Variants in SGCD observed in about 807,000 individuals in gnomAD.
SGCD encodes sarcoglycan delta.
Under a neutral mutation model 36.6 loss-of-function variants are expected in SGCD, and 18 were observed. The ratio of observed to expected loss-of-function variants is 0.49; its 90% CI spans 0.34 to 0.73. The LOEUF is 0.73. Ranked by LOEUF, SGCD falls within the 30% of genes least tolerant of loss-of-function variation. The pLI is 0.01. For synonymous variants in SGCD, 133 were observed against 130.6 expected (o/e 1.02, Z -0.12); for missense variants, 387 against 346.7 (o/e 1.12, Z -0.92).
the SGCD span, among the ~76,000 whole-genome samples, chr5:155,806,759 A>C: frequency 6.6e-6 from 1 of 152,204 alleles, no homozygotes; most frequent in Non-Finnish European, 1.5e-5. Flanking sequence ...AAAGACAGCA[A>C]TGAAATAATA....
Position 156,487,813 on chromosome 5 carries a change from A to AAAAAAAAAAAAAGAAAAAG in SGCD, c.193-20785_193-20784insAAAAAAAAAGAAAAAGAAA, listed in dbSNP as rs1554107842. Reference sequence around the variant, plus strand: ...CAAAAAAAAAAAAAAAAAAAAAAAAAAAAGAAAGAAAGAAAAAGCTTAACA... The same window carrying AAAAAAAAAAAAAGAAAAAG: ...CAAAAAAAAAAAAAAAAAAAAAAAAAAAAAAAAAAAAAGAAAAAGAAAGAAAGAAAGAAAAAGCTTAACA... On this transcript the variant is annotated intron_variant, in intron 3 of 8. Coordinates refer to ENST00000337851, the MANE Select transcript of SGCD (RefSeq NM_000337.6). Among the ~76,000 whole-genome samples, 22 of 77,816 alleles carry AAAAAAAAAAAAAGAAAAAG rather than the reference A, an allele frequency of 2.8e-4. 2 individuals carry two copies. The highest frequency in any genetic ancestry group is 3.0e-4 in the African/African-American group (7 of 22,984). 51.1% of individuals were successfully genotyped at this position (77,816 alleles called of 152,430 possible). A position where few individuals can be genotyped will look rare whatever the true frequency, so the allele number is the denominator to read the frequency against.
chr5:156,174,966 TA>T (rs1165609492), intron 3 of SGCD, among the ~76,000 whole-genome samples: 6 of 151,856 alleles, frequency 4.0e-5, no homozygotes, highest in African/African-American at 1.5e-4. Context: ...AATAGGATTT[TA>T]AAAAAAAGAT....
intron 1 of SGCD, among the ~76,000 whole-genome samples, chr5:155,883,305 A>G (rs1457305736): frequency 2.0e-5 from 3 of 152,126 alleles, no homozygotes; most frequent in African/African-American, 7.2e-5. Flanking sequence ...TTTCTTTTGC[A>G]TTTACAACTT....
intron 6 of SGCD, among the ~76,000 whole-genome samples, chr5:156,644,050 A>G (rs548827378): frequency 2.0e-5 from 3 of 152,172 alleles, no homozygotes; most frequent in African/African-American, 7.2e-5. Flanking sequence ...ACCAAAGCAA[A>G]CTCTGTTAAG....
At chr5:156,557,132 G>A (rs1181696121) in intron 4 of SGCD, among the ~76,000 whole-genome samples, 1 of 152,086 alleles carries the variant, frequency 6.6e-6, no homozygotes, top group Non-Finnish European at 1.5e-5. Context: ...TTTTCCATCT[G>A]CAGAATATTT....
At chr5:155,790,954 A>G in the SGCD span, among the ~76,000 whole-genome samples, 3 of 152,146 alleles carry the variant, frequency 2.0e-5, no homozygotes, top group African/African-American at 4.8e-5. Flanking sequence ...ACATGCTACA[A>G]TAAACAAAAA....
intron 3 of SGCD, among the ~76,000 whole-genome samples, chr5:156,368,322 A>C (rs72798934): frequency 0.16 from 24,914 of 151,786 alleles, 3,082 homozygotes; most frequent in African/African-American, 0.35. Flanking sequence ...TGAACTCCTG[A>C]CTACATGATC....
At chr5:156,222,347 T>A (rs1307603430) in intron 3 of SGCD, among the ~76,000 whole-genome samples, 1 of 152,136 alleles carries the variant, frequency 6.6e-6, no homozygotes, top group African/African-American at 2.4e-5. Context: ...ATATCACTAA[T>A]TCCTACATTT....
chr5:156,035,257 T>G (rs1759459380), intron 1 of SGCD, among the ~76,000 whole-genome samples: 1 of 152,224 alleles, frequency 6.6e-6, no homozygotes. Context: ...CTCGTGCAAC[T>G]TTAACCTGCT....
intron 3 of SGCD, among the ~76,000 whole-genome samples, chr5:156,124,627 T>C (rs1762126489): frequency 6.6e-6 from 1 of 152,172 alleles, no homozygotes; most frequent in South Asian, 2.1e-4. Context: ...AATACATCCT[T>C]ATACACATAC....
At chr5:155,785,305 C>A in the SGCD span, among the ~76,000 whole-genome samples, 232 of 152,250 alleles carry the variant, frequency 1.5e-3, no homozygotes, top group Non-Finnish European at 1.8e-3. Context: ...TTTTAACACA[C>A]ACATAATTAT....
At chr5:155,843,231 A>G in the SGCD span, among the ~76,000 whole-genome samples, 1 of 152,244 alleles carries the variant, frequency 6.6e-6, no homozygotes, top group Admixed American at 6.5e-5. Context: ...GTGTGTGTGT[A>G]AAATGAATAA....
At chr5:156,432,169 A>G (rs568928051) in intron 3 of SGCD, among the ~76,000 whole-genome samples, 29 of 152,328 alleles carry the variant, frequency 1.9e-4, no homozygotes, top group African/African-American at 7.0e-4. Context: ...TGATGGAGGT[A>G]GCAGGGGAGT....
intron 3 of SGCD, among the ~76,000 whole-genome samples, chr5:156,394,692 T>C (rs1280754254): frequency 6.6e-6 from 1 of 152,250 alleles, no homozygotes; most frequent in African/African-American, 2.4e-5. Flanking sequence ...TCTGCTTTTT[T>C]CCTTCCGATT....
At chr5:156,378,336 G>A (rs151153603) in intron 3 of SGCD, among the ~76,000 whole-genome samples, 3 of 152,298 alleles carry the variant, frequency 2.0e-5, no homozygotes, top group African/African-American at 7.2e-5. Context: ...TTGCCAAGGG[G>A]TGAGGGGACT....
At chr5:155,827,758 A>G in the SGCD span, among the ~76,000 whole-genome samples, 2 of 144,998 alleles carry the variant, frequency 1.4e-5, no homozygotes, top group African/African-American at 5.2e-5. Context: ...GGCTTACCAC[A>G]ACCTCCATCT....
intron 1 of SGCD, among the ~76,000 whole-genome samples, chr5:156,068,034 A>G (rs1189873181): frequency 6.6e-6 from 1 of 151,292 alleles, no homozygotes; most frequent in Non-Finnish European, 1.5e-5. Flanking sequence ...TAACTGACCA[A>G]CAGTCTTCAC....
intron 6 of SGCD, among the ~76,000 whole-genome samples, chr5:156,612,774 G>A (rs531024896): frequency 6.6e-6 from 1 of 152,310 alleles, no homozygotes; most frequent in African/African-American, 2.4e-5. Flanking sequence ...ATGTACTCTA[G>A]CAGTTGATCC....
intron 3 of SGCD, among the ~76,000 whole-genome samples, chr5:156,466,136 T>C (rs188453736): frequency 2.5e-4 from 38 of 152,278 alleles, no homozygotes; most frequent in African/African-American, 7.9e-4. Flanking sequence ...TATTTTTCAA[T>C]ATATTGTGAG....
Sources: gnomAD v4.1 joint callset for allele counts (sites outside exome capture counted in the v4.1 genomes callset) on GRCh38, gnomAD v4.1.1 for gene constraint, MANE v1.5 for transcripts, NCBI Gene and HGNC (gene_info 2026-07-23, HGNC 2026-07-21) for gene names.